Variants in TOX observed in about 807,000 individuals in gnomAD.
The protein encoded by TOX is thymocyte selection-associated high mobility group box protein TOX.
A neutral mutation model predicts 53.7 loss-of-function variants in TOX; 11 were observed. That is an observed-to-expected ratio of 0.20 (90% CI 0.13 to 0.34). The LOEUF (loss-of-function observed/expected upper bound fraction) is 0.34, where lower values mean the gene tolerates loss of function less well. Ranked by LOEUF, TOX falls within the 10% of genes least tolerant of loss-of-function variation. The pLI is 1.00. For synonymous variants in TOX, 225 were observed against 245.3 expected (o/e 0.92, Z 0.77); for missense variants, 570 against 664.6 (o/e 0.86, Z 1.56).
chr8:59,110,464 G>T (rs1035543108), intron 1 of TOX, among the ~76,000 whole-genome samples: 3 of 152,042 alleles, frequency 2.0e-5, no homozygotes, highest in African/African-American at 7.2e-5. Context: ...TGAGTTAACA[G>T]ACTTAAGGAA....
chr8:58,910,650 G>T (rs761737380), intron 3 of TOX, among the ~76,000 whole-genome samples: 1 of 152,186 alleles, frequency 6.6e-6, no homozygotes, highest in Admixed American at 6.5e-5. Flanking sequence ...TAAAAAGTAT[G>T]ATTTGATTTA....
At chr8:58,861,207 T>C (rs1250847348) in intron 3 of TOX, among the ~76,000 whole-genome samples, 1 of 152,220 alleles carries the variant, frequency 6.6e-6, no homozygotes, top group Non-Finnish European at 1.5e-5. Context: ...CTCTCATAAC[T>C]GCAGATAATG....
rs71521445 is a variant in TOX, at chr8:59,089,186, G to A, written c.102+29700C>T. 9.7e-3 allele frequency among the ~76,000 whole-genome samples: 1,476 copies of A among 152,326 alleles called. 15 individuals are homozygous for A. The highest frequency in any genetic ancestry group is 0.026 in the South Asian group (124 of 4,828). On this transcript the variant is annotated intron_variant, in intron 1 of 8. Coordinates refer to ENST00000361421, the MANE Select transcript of TOX (RefSeq NM_014729.3). ...TTTCGGGCATAGCACACATGCTTAT[G>A]ATGTACAAAACACTTTTAGGATGTA...
chr8:58,838,312 C>A lies in TOX; in HGVS notation c.694-1G>T. ...CAGGCCGCTTCTCTCCACCATTGAT[C>A]TGAAAGAGAAATCAAAATAGAATTA... On this transcript the variant is annotated splice_acceptor_variant, in intron 4 of 8. Transcript: ENST00000361421. LOFTEE classifies it high-confidence loss of function. 1 of 1,610,710 alleles carries A rather than the reference C, an allele frequency of 6.2e-7. No homozygotes were observed.
At chr8:59,109,136 T>A (rs1804967201) in intron 1 of TOX, among the ~76,000 whole-genome samples, 1 of 152,196 alleles carries the variant, frequency 6.6e-6, no homozygotes, top group Non-Finnish European at 1.5e-5. Context: ...TAAATGGGTC[T>A]CTGGTTATTG....
chr8:58,921,343 C>T (rs1812071922), intron 3 of TOX, among the ~76,000 whole-genome samples: 2 of 152,202 alleles, frequency 1.3e-5, no homozygotes, highest in South Asian at 4.1e-4. Context: ...ATATCCAGTT[C>T]ATATTCCAAC....
intron 3 of TOX, among the ~76,000 whole-genome samples, chr8:58,855,137 C>A (rs1041951457): frequency 6.6e-6 from 1 of 152,006 alleles, no homozygotes; most frequent in Admixed American, 6.6e-5. Flanking sequence ...TCTTCTCAAC[C>A]CCTTCACTGA....
At chr8:58,993,434 T>A (rs1421337829) in intron 1 of TOX, among the ~76,000 whole-genome samples, 1 of 152,158 alleles carries the variant, frequency 6.6e-6, no homozygotes, top group Non-Finnish European at 1.5e-5. Flanking sequence ...ACCTGTCAAG[T>A]AAGCACAGGC....
chr8:59,037,300 A>C (rs1049764508), intron 1 of TOX, among the ~76,000 whole-genome samples: 1 of 151,780 alleles, frequency 6.6e-6, no homozygotes, highest in Middle Eastern at 3.4e-3. Context: ...AACTTTTTAA[A>C]TATATTTTTG....
intron 3 of TOX, among the ~76,000 whole-genome samples, chr8:58,920,665 A>C (rs1445038952): frequency 7.9e-6 from 1 of 126,072 alleles, no homozygotes; most frequent in Non-Finnish European, 1.7e-5. Flanking sequence ...TATGTAACTA[A>C]CCTGCACAAT....
chr8:59,043,453 A>G (rs992193859), intron 1 of TOX, among the ~76,000 whole-genome samples: 5 of 152,000 alleles, frequency 3.3e-5, no homozygotes, highest in African/African-American at 1.2e-4. Context: ...GGAAAAAATC[A>G]GAACTTAATA....
intron 5 of TOX, among the ~76,000 whole-genome samples, chr8:58,827,527 C>T (rs1810386308): frequency 6.6e-6 from 1 of 152,130 alleles, no homozygotes; most frequent in African/African-American, 2.4e-5. Context: ...GCATGCCCTG[C>T]CCTGCAGTCC....
At chr8:58,981,106 G>T (rs16924373) in intron 1 of TOX, among the ~76,000 whole-genome samples, 5,504 of 152,206 alleles carry the variant, frequency 0.036, 303 homozygotes, top group African/African-American at 0.12. Flanking sequence ...AATGACTGCA[G>T]TTCGACTTCC....
At chr8:58,875,719 G>C (rs1326088210) in intron 3 of TOX, among the ~76,000 whole-genome samples, 1 of 152,164 alleles carries the variant, frequency 6.6e-6, no homozygotes, top group African/African-American at 2.4e-5. Flanking sequence ...AGAGGGTATG[G>C]CTCATGTTGG....
At chr8:58,999,534 G>C in intron 1 of TOX, among the ~76,000 whole-genome samples, 1 of 152,044 alleles carries the variant, frequency 6.6e-6, no homozygotes, top group East Asian at 1.9e-4. Context: ...GAACTGCTGG[G>C]GTCAGTGACT....
chr8:59,045,470 T>C (rs753972387), intron 1 of TOX, among the ~76,000 whole-genome samples: 1 of 152,236 alleles, frequency 6.6e-6, no homozygotes, highest in Admixed American at 6.5e-5. Flanking sequence ...AAAGAAATCA[T>C]GTTTGATGTT....
chr8:59,013,175 C>G (rs1343535709), intron 1 of TOX, among the ~76,000 whole-genome samples: 3 of 152,142 alleles, frequency 2.0e-5, no homozygotes, highest in Non-Finnish European at 4.4e-5. Flanking sequence ...TAAAACTGCT[C>G]TTGTTTATCT....
At chr8:59,015,008 C>T (rs1813981280) in intron 1 of TOX, among the ~76,000 whole-genome samples, 1 of 152,188 alleles carries the variant, frequency 6.6e-6, no homozygotes. Context: ...GAGAATTCAG[C>T]TTACTGTTTA....
chr8:58,831,693 C>A (rs1207058123), intron 5 of TOX, among the ~76,000 whole-genome samples: 2 of 152,162 alleles, frequency 1.3e-5, no homozygotes, highest in Non-Finnish European at 2.9e-5. Flanking sequence ...GGCCTGGTCT[C>A]TTTTGTTCAC....
Sources: allele counts gnomAD v4.1 joint callset (sites outside exome capture counted in the v4.1 genomes callset), GRCh38; gene constraint gnomAD v4.1.1; transcripts MANE v1.5; gene names NCBI Gene and HGNC (gene_info 2026-07-23, HGNC 2026-07-21).